RLIM: variants seen among roughly 807,000 people sequenced by gnomAD.
The protein encoded by RLIM is ring finger protein, LIM domain interacting, also known as E3 ubiquitin-protein ligase RLIM.
A neutral mutation model predicts 34.0 loss-of-function variants in RLIM; 2 were observed. The observed-to-expected ratio is 0.06, with a 90% CI of 0.02 to 0.19. RLIM has a LOEUF of 0.19. Among genes scored for constraint, RLIM ranks in the 10% least tolerant of loss-of-function variants. The pLI, the probability that RLIM is intolerant of heterozygous loss-of-function variation, is 1.00. For synonymous variants in RLIM, 169 were observed against 164.0 expected (o/e 1.03, Z -0.23); for missense variants, 286 against 479.7 (o/e 0.60, Z 3.77).
Position 74,592,250 on chromosome X carries a change from G to A in RLIM, c.1065C>T (p.Thr355=). Residue 355 remains threonine (T), a synonymous_variant, in exon 4 of 4, where the codon ACC becomes ACT. Transcript: ENST00000332687. The stretch of plus-strand genomic sequence containing the variant: ...TAAAACCTCCTCGTTCACTTTCATA[G>A]GTGACAGTGTTGTTTGGTGTCTGAG... The part of the protein sequence containing the change: ...SRSQTPNNTV[T]YESERGGFRR... 8.3e-7 allele frequency: 1 copy of A among 1,211,699 alleles called. No individual in the cohort carries two copies. The highest frequency in any genetic ancestry group is 1.1e-6 in the Non-Finnish European group (1 of 895,443).
chrX:74,608,609 A>C (rs2079693241), intron 1 of RLIM, among the ~76,000 whole-genome samples: 1 of 112,048 alleles, frequency 8.9e-6, no homozygotes, highest in Non-Finnish European at 1.9e-5. Flanking sequence ...AAAATATCTG[A>C]ATGGCAGTTA....
intron 1 of RLIM, among the ~76,000 whole-genome samples, chrX:74,614,188 C>G (rs1391527949): frequency 9.1e-6 from 1 of 110,054 alleles, no homozygotes; most frequent in Non-Finnish European, 1.9e-5. Context: ...AGAGGAAGTA[C>G]TACCCACCTC....
At chrX:74,608,751 A>G (rs1327263533) in intron 1 of RLIM, among the ~76,000 whole-genome samples, 1 of 112,365 alleles carries the variant, frequency 8.9e-6, no homozygotes, top group South Asian at 3.6e-4. Flanking sequence ...AAAACGCTCT[A>G]AAACAGTTAA....
At chrX:74,601,855 G>A (rs1320108086) in intron 1 of RLIM, among the ~76,000 whole-genome samples, 10 of 111,423 alleles carry the variant, frequency 9.0e-5, no homozygotes, top group Non-Finnish European at 1.7e-4. Context: ...TTGGGGTAGG[G>A]CCTGAGATTC....
intron 1 of RLIM, among the ~76,000 whole-genome samples, chrX:74,596,631 C>A (rs1232567571): frequency 8.9e-6 from 1 of 112,199 alleles, no homozygotes; most frequent in African/African-American, 3.2e-5. Context: ...CAATGAAATT[C>A]ACATTTTAGT....
chrX:74,610,250 C>G (rs920331609), intron 1 of RLIM, among the ~76,000 whole-genome samples: 2 of 111,031 alleles, frequency 1.8e-5, no homozygotes, highest in Non-Finnish European at 3.8e-5. Context: ...AACTCCATCT[C>G]TAGTAAAAAT....
rs2079623612 is a variant in RLIM, at chrX:74,593,078, A to C, written c.254-17T>G. Reference sequence around the variant, plus strand: ...AGTCTCCTCCTGTTCAAAACAAAGGAGGGGGAGAGGGAGAAAAAGGAACTA... The same window carrying C: ...AGTCTCCTCCTGTTCAAAACAAAGGCGGGGGAGAGGGAGAAAAAGGAACTA... On this transcript the variant is annotated splice_polypyrimidine_tract_variant and intron_variant, in intron 3 of 3. Coordinates refer to ENST00000332687, the MANE Select transcript of RLIM (RefSeq NM_016120.4). 5.1e-6 allele frequency: 6 copies of C among 1,174,915 alleles called. No individual in the cohort carries two copies. The highest frequency in any genetic ancestry group is 6.9e-6 in the Non-Finnish European group (6 of 875,432).
rs777266242 is a variant in RLIM, at chrX:74,583,637, A to T, written c.*7803T>A. The T allele has an allele frequency of 2.4e-6, 1 of 422,732 alleles. No individual in the cohort carries two copies. The highest frequency in any genetic ancestry group is 4.0e-5 in the East Asian group (1 of 25,176). The allele number at this position is 422,732 out of a possible 1,213,427, so 34.8% of individuals were successfully genotyped here. A position where few individuals can be genotyped will look rare whatever the true frequency, so the allele number is the denominator to read the frequency against. On this transcript the variant is annotated 3_prime_UTR_variant, in exon 4 of 4. Transcript: ENST00000332687. ...CTAGGGCTGATTACAAGGTACACTT[A>T]AACTGCTAAAATGATAGTTCATGTT... is the stretch of plus-strand genomic sequence containing the variant.
At chrX:74,596,726 G>A (rs1569310989) in intron 1 of RLIM, among the ~76,000 whole-genome samples, 1 of 111,993 alleles carries the variant, frequency 8.9e-6, no homozygotes, top group East Asian at 2.8e-4. Context: ...TGGCAGAGTT[G>A]AGCAGTTGTG....
rs749934819 is a variant in RLIM at position 74,586,543 on chromosome X, C to T, written c.*4897G>A. ...GATCAAGACATGAGAATTATAAAAC[C>T]GATACAAACTGTTCTGTGATTATCA... On this transcript the variant is annotated 3_prime_UTR_variant, in exon 4 of 4. Transcript: ENST00000332687. 4 of 112,106 alleles carry T rather than the reference C, an allele frequency of 3.6e-5. 1 individual carries two copies. The highest frequency in any genetic ancestry group is 7.4e-4 in the South Asian group (2 of 2,708). 9.2% of individuals were successfully genotyped at this position (112,106 alleles called of 1,213,427 possible).
At position 74,603,573 on chromosome X, in the gene RLIM, T is replaced by C. The variant is rs567525328; in HGVS notation, c.-23-7573A>G. ...ACCAGAATTACAGTCCCTTTAAAAC[T>C]TCTGCCAAATGCCACTAGCACAATG... On this transcript the variant is annotated intron_variant, in intron 1 of 3. Coordinates refer to ENST00000332687, the MANE Select transcript of RLIM (RefSeq NM_016120.4). Among the ~76,000 whole-genome samples the C allele has an allele frequency of 3.6e-5, 4 of 111,930 alleles. No individual in the cohort carries two copies. In the Admixed American group the frequency reaches 3.8e-4, roughly 11 times the overall value.
At chrX:74,611,950 G>C (rs969360429) in intron 1 of RLIM, among the ~76,000 whole-genome samples, 4 of 111,966 alleles carry the variant, frequency 3.6e-5, no homozygotes, top group Non-Finnish European at 7.5e-5. Context: ...TATGAATTTA[G>C]GCTAAGTATC....
At chrX:74,608,688 C>T (rs1442417794) in intron 1 of RLIM, among the ~76,000 whole-genome samples, 1 of 112,148 alleles carries the variant, frequency 8.9e-6, no homozygotes, top group Non-Finnish European at 1.9e-5. Flanking sequence ...ACTAAAAGGA[C>T]TCAGGAATGT....
In RLIM at chrX:74,594,309, T is replaced by C; in HGVS notation, c.250A>G (p.Arg84Gly). The C allele has an allele frequency of 5.0e-6, 6 of 1,203,408 alleles. No homozygotes were observed. The highest frequency in any genetic ancestry group is 5.6e-6 in the Non-Finnish European group (5 of 891,544). ...CCCCACCAAAACCAAAACATACCTC[T>C]ATTTTCATCTGAGTTTTGCGGTGGT... ...GPPPQNSDEN[R>G]GGDSSDDVSN... Residue 84 changes from arginine to glycine, a missense_variant, in exon 3 of 4, where the codon AGA (arginine) becomes GGA (glycine). Coordinates refer to ENST00000332687, the MANE Select transcript of RLIM (RefSeq NM_016120.4).
rs1038944464 is a variant in RLIM at position 74,587,779 on chromosome X, T to C, written c.*3661A>G. ...ATGTGATAACCCTTCATAAATATAA[T>C]TTGAGACACTGACACTAGGAGAGGA... On this transcript the variant is annotated 3_prime_UTR_variant, in exon 4 of 4. Coordinates refer to ENST00000332687, the MANE Select transcript of RLIM (RefSeq NM_016120.4). 8.9e-6 allele frequency: 1 copy of C among 111,863 alleles called. No homozygotes were observed. The highest frequency in any genetic ancestry group is 1.9e-5 in the Non-Finnish European group (1 of 53,159). The allele number at this position is 111,863 out of a possible 1,213,427, so 9.2% of individuals were successfully genotyped here. A position where few individuals can be genotyped will look rare whatever the true frequency, so the allele number is the denominator to read the frequency against.
At position 74,588,782 on chromosome X, in the gene RLIM, G is replaced by C. The variant is rs984591875; in HGVS notation, c.*2658C>G. ...TGCAAGAAATGCTCCCTCGAGAATG[G>C]TGTTTGGATGTGGGTGGGGGGAAAA... is the stretch of plus-strand genomic sequence containing the variant. On this transcript the variant is annotated 3_prime_UTR_variant, in exon 4 of 4. Coordinates refer to ENST00000332687, the MANE Select transcript of RLIM (RefSeq NM_016120.4). The C allele has an allele frequency of 1.8e-5, 2 of 111,914 alleles. No individual in the cohort carries two copies. Among genetic ancestry groups the C allele is most frequent in the African/African-American group, 6.5e-5 (2 of 30,789 alleles). 9.2% of individuals were successfully genotyped at this position (111,914 alleles called of 1,213,427 possible). A position where few individuals can be genotyped will look rare whatever the true frequency, so the allele number is the denominator to read the frequency against.
In RLIM at chrX:74,584,080, C is replaced by CT. The variant is rs928478155; in HGVS notation, c.*7359dup. On this transcript the variant is annotated 3_prime_UTR_variant, in exon 4 of 4. Coordinates refer to ENST00000332687, the MANE Select transcript of RLIM (RefSeq NM_016120.4). Reference sequence around the variant, plus strand: ...AAAAATAAACAAAAACCAATTTGGCCTTTTTTTTTCTTGGCAAACCAGCCA... The same window carrying CT: ...AAAAATAAACAAAAACCAATTTGGCCTTTTTTTTTTCTTGGCAAACCAGCCA... 9.1e-5 allele frequency among the ~76,000 whole-genome samples: 10 copies of CT among 109,957 alleles called. No individual in the cohort carries two copies. Among genetic ancestry groups the CT allele is most frequent in the African/African-American group, 2.0e-4 (6 of 30,316 alleles).
intron 1 of RLIM, among the ~76,000 whole-genome samples, chrX:74,607,760 A>C (rs1188548111): frequency 8.9e-6 from 1 of 112,482 alleles, no homozygotes; most frequent in Admixed American, 9.4e-5. Context: ...CACAAAAAAA[A>C]CAAAAAAGAA....
At position 74,592,919 on chromosome X, in the gene RLIM, A is replaced by T; in HGVS notation, c.396T>A (p.Ser132Arg). The part of the protein sequence containing the change: ...WRAVSRTNPN[S>R]GDFRFSLEIN... The stretch of plus-strand genomic sequence containing the variant: ...TCTCTAAACTGAATCTGAAATCACC[A>T]CTGTTTGGATTAGTCCGACTCACTG... Residue 132 changes from serine (S) to arginine (R), a missense_variant, in exon 4 of 4, where the codon AGT becomes AGA. Ser to Arg is a moderately radical substitution (Grantham distance 110). This residue lies in a region of RLIM where 8 missense variants were observed against 34.0 expected (regional missense o/e 0.24). Transcript: ENST00000332687. 1 of 1,211,212 alleles carries T rather than the reference A, an allele frequency of 8.3e-7. No homozygotes were observed. Among genetic ancestry groups the T allele is most frequent in the Non-Finnish European group, 1.1e-6 (1 of 895,158 alleles).
Sources: allele counts gnomAD v4.1 joint callset (sites outside exome capture counted in the v4.1 genomes callset), GRCh38; gene constraint gnomAD v4.1.1; regional missense constraint gnomAD v4.1.1; transcripts MANE v1.5; gene names NCBI Gene and HGNC (gene_info 2026-07-23, HGNC 2026-07-21).